GRIK4: variants seen among roughly 807,000 people sequenced by gnomAD.
GRIK4 encodes the protein glutamate ionotropic receptor kainate type subunit 4.
A neutral mutation model predicts 104.9 loss-of-function variants in GRIK4; 40 were observed. That is an observed-to-expected ratio of 0.38 (90% CI 0.30 to 0.50). The LOEUF is 0.50. Ranked by LOEUF, GRIK4 falls within the 20% of genes least tolerant of loss-of-function variation. The pLI, the probability that GRIK4 is intolerant of heterozygous loss-of-function variation, is 0.93. For synonymous variants in GRIK4, 485 were observed against 524.9 expected (o/e 0.92, Z 1.04); for missense variants, 1,047 against 1,308.1 (o/e 0.80, Z 3.08).
chr11:120,808,006 C>T (rs878974427), intron 4 of GRIK4, among the ~76,000 whole-genome samples: 1 of 152,198 alleles, frequency 6.6e-6, no homozygotes, highest in South Asian at 2.1e-4. Flanking sequence ...GGTGAGGCCC[C>T]TGGCCAGACC....
intron 3 of GRIK4, among the ~76,000 whole-genome samples, chr11:120,714,216 G>A (rs544884056): frequency 2.0e-5 from 3 of 152,268 alleles, no homozygotes; most frequent in Non-Finnish European, 2.9e-5. Context: ...TAATAATGTC[G>A]GGAATTCACC....
chr11:120,768,418 A>T (rs1209214198), intron 3 of GRIK4, among the ~76,000 whole-genome samples: 1 of 152,080 alleles, frequency 6.6e-6, no homozygotes, highest in African/African-American at 2.4e-5. Flanking sequence ...ACTTTACTGA[A>T]TTCATTTATT....
At chr11:120,845,046 CAT>C (rs1488743551) in intron 8 of GRIK4, among the ~76,000 whole-genome samples, 1 of 152,200 alleles carries the variant, frequency 6.6e-6, no homozygotes, top group African/African-American at 2.4e-5. Flanking sequence ...GCAGCTGACT[CAT>C]AGAGCCAGAA....
intron 3 of GRIK4, among the ~76,000 whole-genome samples, chr11:120,666,036 G>A (rs1001686206): frequency 1.4e-4 from 21 of 152,128 alleles, no homozygotes; most frequent in Non-Finnish European, 2.6e-4. Context: ...TAGATATTCC[G>A]TTTTACAGAT....
chr11:120,648,923 G>A (rs1179526861), intron 1 of GRIK4, among the ~76,000 whole-genome samples: 2 of 152,326 alleles, frequency 1.3e-5, no homozygotes, highest in South Asian at 2.1e-4. Context: ...TTCTCCGACT[G>A]GAGTCCTGTA....
chr11:120,539,631 C>T (rs549887982), intron 1 of GRIK4, among the ~76,000 whole-genome samples: 50 of 152,232 alleles, frequency 3.3e-4, no homozygotes, highest in African/African-American at 1.1e-3. Context: ...TTTGAATGGC[C>T]ATCAGCAAAG....
chr11:120,629,817 A>G (rs1949310936), intron 1 of GRIK4, among the ~76,000 whole-genome samples: 1 of 152,118 alleles, frequency 6.6e-6, no homozygotes. Flanking sequence ...GGGAGCTGTG[A>G]TGCCCTCAGA....
intron 1 of GRIK4, among the ~76,000 whole-genome samples, chr11:120,528,221 C>T (rs973480990): frequency 6.6e-6 from 1 of 152,196 alleles, no homozygotes; most frequent in African/African-American, 2.4e-5. Flanking sequence ...AAGCAGTCTG[C>T]CTGCCTCAAC....
At chr11:120,635,111 A>G (rs375100397) in intron 1 of GRIK4, among the ~76,000 whole-genome samples, 1 of 152,042 alleles carries the variant, frequency 6.6e-6, no homozygotes, top group East Asian at 1.9e-4. Context: ...TCCCAGCTGA[A>G]ACTTCATATT....
chr11:120,834,015 C>T (rs1471549040), intron 7 of GRIK4, among the ~76,000 whole-genome samples: 1 of 152,152 alleles, frequency 6.6e-6, no homozygotes, highest in Non-Finnish European at 1.5e-5. Context: ...TCTTTTGCTA[C>T]AATAAATAAT....
chr11:120,724,667 C>G (rs999701424), intron 3 of GRIK4, among the ~76,000 whole-genome samples: 1 of 152,188 alleles, frequency 6.6e-6, no homozygotes, highest in Non-Finnish European at 1.5e-5. Flanking sequence ...TTATAAATGT[C>G]TAAGCCTAGA....
chr11:120,749,005 T>A (rs2135420545), intron 3 of GRIK4, among the ~76,000 whole-genome samples: 1 of 152,298 alleles, frequency 6.6e-6, no homozygotes, highest in Admixed American at 6.5e-5. Context: ...TGGCCATTTT[T>A]AAGTTATTTA....
At chr11:120,616,371 G>T (rs1949114388) in intron 1 of GRIK4, among the ~76,000 whole-genome samples, 1 of 152,256 alleles carries the variant, frequency 6.6e-6, no homozygotes, top group Non-Finnish European at 1.5e-5. Flanking sequence ...CATAAAGGCA[G>T]CAGTGGAGAA....
intron 3 of GRIK4, among the ~76,000 whole-genome samples, chr11:120,708,854 C>A (rs1341133148): frequency 6.6e-6 from 1 of 152,092 alleles, no homozygotes; most frequent in Non-Finnish European, 1.5e-5. Flanking sequence ...CCACCTCTTA[C>A]CCCCTCCCGT....
intron 6 of GRIK4, among the ~76,000 whole-genome samples, chr11:120,828,158 C>G (rs1015858401): frequency 1.8e-4 from 27 of 152,338 alleles, no homozygotes; most frequent in African/African-American, 6.3e-4. Context: ...TCCAATCCAG[C>G]AAGCACCATG....
At chr11:120,619,046 C>A (rs900409029) in intron 1 of GRIK4, among the ~76,000 whole-genome samples, 1 of 152,212 alleles carries the variant, frequency 6.6e-6, no homozygotes, top group African/African-American at 2.4e-5. Context: ...CCTGGAAAAG[C>A]TGCAGGCACT....
At chr11:120,593,771 A>T (rs1171124260) in intron 1 of GRIK4, among the ~76,000 whole-genome samples, 1 of 152,040 alleles carries the variant, frequency 6.6e-6, no homozygotes, top group Non-Finnish European at 1.5e-5. Context: ...ATGGAAAACC[A>T]CTTTATTCCT....
intron 3 of GRIK4, among the ~76,000 whole-genome samples, chr11:120,782,080 A>G (rs1396091630): frequency 6.6e-6 from 1 of 151,792 alleles, no homozygotes; most frequent in Non-Finnish European, 1.5e-5. Context: ...ACCACCCCCC[A>G]TCATTCTCTC....
At chr11:120,748,007 G>T (rs554291086) in intron 3 of GRIK4, among the ~76,000 whole-genome samples, 1 of 152,268 alleles carries the variant, frequency 6.6e-6, no homozygotes, top group East Asian at 1.9e-4. Context: ...GCTTATCACT[G>T]CCAGGCGCCT....
Sources: gnomAD v4.1 joint callset for allele counts (sites outside exome capture counted in the v4.1 genomes callset) on GRCh38, gnomAD v4.1.1 for gene constraint, MANE v1.5 for transcripts, NCBI Gene and HGNC (gene_info 2026-07-23, HGNC 2026-07-21) for gene names.